The following MFSD1 variants were observed in gnomAD, a reference collection of about 807,000 sequenced individuals.
MFSD1 encodes the protein lysosomal dipeptide transporter MFSD1.
Under a neutral mutation model 67.1 loss-of-function variants are expected in MFSD1, and 59 were observed. That is an observed-to-expected ratio of 0.88 (90% CI 0.71 to 1.09). The LOEUF (loss-of-function observed/expected upper bound fraction) is 1.09. Among genes scored for constraint, MFSD1 ranks in the 50% least tolerant of loss-of-function variants. The pLI, the probability that MFSD1 is intolerant of heterozygous loss-of-function variation, is 0.00. For missense variants in MFSD1, 552 were observed against 566.1 expected, an observed-to-expected ratio of 0.97 and a Z score of 0.25; for synonymous variants, 213 against 200.3, an observed-to-expected ratio of 1.06 and a Z score of -0.54.
chr3:158,802,203 C>T lies in MFSD1; in HGVS notation c.51C>T (p.Asp17=). The T allele has an allele frequency of 1.9e-6, 3 of 1,610,870 alleles. No individual in the cohort carries two copies. The highest frequency in any genetic ancestry group is 2.5e-6 in the Non-Finnish European group (3 of 1,179,134). ...EARALLAGGP[D]EADRGAPAAP... is the part of the protein sequence containing the mutation. ...GGGCGCTCCTGGCAGGCGGCCCTGA[C>T]GAGGCCGACAGAGGTGCCCCGGCCG... Residue 17 remains aspartate, a synonymous_variant, in exon 1 of 16, where the codon GAC becomes GAT. Coordinates refer to ENST00000415822, the MANE Select transcript of MFSD1 (RefSeq NM_022736.4).
chr3:158,807,918 A>G (rs1379484982), intron 5 of MFSD1, among the ~76,000 whole-genome samples: 1 of 152,186 alleles, frequency 6.6e-6, no homozygotes, highest in African/African-American at 2.4e-5. Context: ...ATTCTTATAG[A>G]CCAGTTGTTC....
At position 158,825,667 on chromosome 3, in the gene MFSD1, G is replaced by A. The variant is rs377465485; in HGVS notation, c.1289-348G>A. Among the ~76,000 whole-genome samples, 4 of 152,048 alleles carry A rather than the reference G, an allele frequency of 2.6e-5. 1 individual carries two copies. The highest frequency in any genetic ancestry group is 5.9e-5 in the Non-Finnish European group (4 of 68,026). The stretch of plus-strand genomic sequence containing the variant: ...GCTTCCTCTGAAATGATAAACAATC[G>A]GGGGCTGGCAGGAGTTTTTGGTAAG... On this transcript the variant is annotated intron_variant, in intron 13 of 15. Coordinates refer to ENST00000415822, the MANE Select transcript of MFSD1 (RefSeq NM_022736.4).
chr3:158,819,906 T>G (rs547727716), intron 8 of MFSD1, among the ~76,000 whole-genome samples, 159 bp downstream of exon 8: 1 of 152,314 alleles, frequency 6.6e-6, no homozygotes, highest in Admixed American at 6.5e-5. Context: ...TTCTAAATTT[T>G]TAGATGTATT....
At chr3:158,818,585 A>G (rs1481925747) in intron 7 of MFSD1, among the ~76,000 whole-genome samples, 3 of 151,914 alleles carry the variant, frequency 2.0e-5, no homozygotes, top group Admixed American at 6.6e-5. Flanking sequence ...TAAAATATAT[A>G]TATATATTTT....
intron 15 of MFSD1, among the ~76,000 whole-genome samples, chr3:158,827,947 A>G (rs867525706): frequency 5.9e-5 from 7 of 118,292 alleles, no homozygotes; most frequent in African/African-American, 1.8e-4. Flanking sequence ...AGAGAGGGGG[A>G]GAGAGAGAGA....
intron 7 of MFSD1, among the ~76,000 whole-genome samples, chr3:158,817,864 A>G (rs1371657382): frequency 1.3e-5 from 2 of 152,214 alleles, no homozygotes; most frequent in Non-Finnish European, 2.9e-5. Flanking sequence ...TTTTAAGGAA[A>G]TTACCTCCTG....
intron 7 of MFSD1, 40 bp downstream of exon 7, chr3:158,814,107 G>A (rs2108217112): frequency 6.7e-7 from 1 of 1,495,810 alleles, no homozygotes; most frequent in Non-Finnish European, 9.3e-7. Flanking sequence ...CTCTTCTGAA[G>A]GCTTGTCATA....
chr3:158,820,858 T>C (rs1011955898), intron 9 of MFSD1, among the ~76,000 whole-genome samples: 1 of 152,178 alleles, frequency 6.6e-6, no homozygotes, highest in Non-Finnish European at 1.5e-5. Context: ...CAGGTGGGGA[T>C]TACGGGGATT....
chr3:158,829,594 G>A lies in MFSD1; in HGVS notation c.*612G>A, dbSNP rs1225238151. On this transcript the variant is annotated 3_prime_UTR_variant, in exon 16 of 16. Transcript: ENST00000415822. ...TGTTACTGAGGACCCTAATCACTTA[G>A]GGATGTAATTTTATAGTATAAACTT... The A allele has an allele frequency of 6.6e-6, 1 of 152,152 alleles. No homozygotes were observed. Among genetic ancestry groups the A allele is most frequent in the Non-Finnish European group, 1.5e-5 (1 of 68,022 alleles). The allele number at this position is 152,152 out of a possible 1,614,324, so 9.4% of individuals were successfully genotyped here.
At chr3:158,813,891 A>G in intron 6 of MFSD1, 74 bp from the exon 7 acceptor site, 1 of 1,041,664 alleles carries the variant, frequency 9.6e-7, no homozygotes, top group East Asian at 2.8e-5. Flanking sequence ...AGCCACCTCA[A>G]ATCCCTTTTT....
chr3:158,807,657 C>A (rs990854687), intron 5 of MFSD1, among the ~76,000 whole-genome samples, 194 bp downstream of exon 5: 1 of 152,168 alleles, frequency 6.6e-6, no homozygotes, highest in African/African-American at 2.4e-5. Flanking sequence ...TGGTCCTAAT[C>A]AACTCTGTGT....
rs1559925356 is a variant in MFSD1, at chr3:158,825,999, GT to G, written c.1289-10del. The G allele has an allele frequency of 6.2e-7, 1 of 1,608,414 alleles. No homozygotes were observed. The highest frequency in any genetic ancestry group is 1.7e-5 in the Admixed American group (1 of 59,982). On this transcript the variant is annotated splice_polypyrimidine_tract_variant and intron_variant, in intron 13 of 15. Transcript: ENST00000415822. ...GAAATACATATTTTAAGGGCCCTAT[GT>G]TTTTTCACTCCTAGTGTCACTTTTA...
Position 158,828,991 on chromosome 3 carries a change from A to G in MFSD1, c.*9A>G. On this transcript the variant is annotated 3_prime_UTR_variant, in exon 16 of 16. Transcript: ENST00000415822. ...TTATGTTTTGCAGATGAGAAGTTAA[A>G]ATGAATGTGTCATGAGAATGGGCTT... 1 of 1,604,692 alleles carries G rather than the reference A, an allele frequency of 6.2e-7. No homozygotes were observed. Among genetic ancestry groups the G allele is most frequent in the Non-Finnish European group, 8.5e-7 (1 of 1,175,758 alleles).
chr3:158,818,980 A>G (rs1730523813), intron 7 of MFSD1, among the ~76,000 whole-genome samples: 1 of 152,196 alleles, frequency 6.6e-6, no homozygotes, highest in African/African-American at 2.4e-5. Flanking sequence ...ATTTCAGCGA[A>G]TTTTCAACCG....
intron 1 of MFSD1, 92 bp downstream of exon 1, chr3:158,802,407 G>A: frequency 7.1e-7 from 1 of 1,413,368 alleles, no homozygotes. Flanking sequence ...GGTGCCACGG[G>A]GCCTCAGCGC....
chr3:158,822,276 C>G (rs998483838), intron 11 of MFSD1, 136 bp downstream of exon 11: 100 of 549,226 alleles, frequency 1.8e-4, no homozygotes, highest in Non-Finnish European at 2.8e-4. Context: ...ATTCCAATAT[C>G]TACAAAATAA....
intron 11 of MFSD1, 35 bp from the exon 12 acceptor site, chr3:158,823,393 T>C (rs376405874): frequency 6.4e-6 from 9 of 1,407,718 alleles, no homozygotes; most frequent in Non-Finnish European, 9.1e-6. Context: ...TTGGTTAATG[T>C]AAGACTGTGA....
chr3:158,826,029 G>A lies in MFSD1; in HGVS notation c.1303G>A (p.Val435Met), dbSNP rs1730947445. ...TTCACTCCTAGTGTCACTTTTATCT[G>A]TGGTCTTACTCTATTTGGTGAATCG... is the stretch of plus-strand genomic sequence containing the variant. The part of the protein sequence containing the change: ...IACVSLSLLS[V>M]VLLYLVNRAQ... Residue 435 changes from valine to methionine, a missense_variant, in exon 14 of 16, where the codon GTG becomes ATG. Coordinates refer to ENST00000415822, the MANE Select transcript of MFSD1 (RefSeq NM_022736.4). The A allele has an allele frequency of 6.2e-7, 1 of 1,613,228 alleles. No individual in the cohort carries two copies. Among genetic ancestry groups the A allele is most frequent in the South Asian group, 1.1e-5 (1 of 91,064 alleles).
intron 2 of MFSD1, 21 bp downstream of exon 2, chr3:158,804,392 T>C: frequency 6.2e-7 from 1 of 1,601,210 alleles, no homozygotes; most frequent in East Asian, 2.2e-5. Context: ...TTTTCACTCT[T>C]GTTTCTTTTG....
Sources: gnomAD v4.1 joint callset for allele counts (sites outside exome capture counted in the v4.1 genomes callset) on GRCh38, gnomAD v4.1.1 for gene constraint, MANE v1.5 for transcripts, NCBI Gene and HGNC (gene_info 2026-07-23, HGNC 2026-07-21) for gene names.